The following LRFN5 variants were observed in gnomAD, a reference collection of about 807,000 sequenced individuals.
LRFN5 encodes leucine-rich repeat and fibronectin type-III domain-containing protein 5.
A neutral mutation model predicts 45.6 loss-of-function variants in LRFN5; 24 were observed. The observed-to-expected ratio is 0.53, with a 90% CI of 0.38 to 0.74. The LOEUF (loss-of-function observed/expected upper bound fraction) is 0.74. Ranked by LOEUF, LRFN5 falls within the 30% of genes least tolerant of loss-of-function variation. LRFN5 has a pLI of 0.00. For missense variants in LRFN5, 776 were observed against 861.5 expected (o/e 0.90, Z 1.24); for synonymous variants, 340 against 313.8 (o/e 1.08, Z -0.88).
intron 1 of LRFN5, among the ~76,000 whole-genome samples, chr14:41,650,266 C>CACACACACACA (rs1247683262): frequency 5.9e-5 from 8 of 135,456 alleles, no homozygotes; most frequent in African/African-American, 2.3e-4. Context: ...CACACACACA[C>CACACACACACA]AAAAAAAAAA....
intron 1 of LRFN5, among the ~76,000 whole-genome samples, chr14:41,673,490 G>A: frequency 6.8e-6 from 1 of 147,942 alleles, no homozygotes; most frequent in South Asian, 2.2e-4. Context: ...TGGCCGGGCA[G>A]AGGGGCTCCT....
intron 2 of LRFN5, among the ~76,000 whole-genome samples, chr14:41,881,729 A>G (rs1163504712): frequency 9.2e-5 from 14 of 151,888 alleles, no homozygotes; most frequent in Admixed American, 9.2e-4. Context: ...GTTTTTTTCT[A>G]TTGATTTGTC....
intron 2 of LRFN5, among the ~76,000 whole-genome samples, chr14:41,808,435 C>CGAGG (rs3032264): frequency 0.18 from 16,546 of 91,276 alleles, 2,052 homozygotes; most frequent in African/African-American, 0.19. Flanking sequence ...AAGGAAGAAT[C>CGAGG]GAGGGAGGGA....
At chr14:41,878,992 T>A (rs533383472) in intron 2 of LRFN5, among the ~76,000 whole-genome samples, 1 of 152,190 alleles carries the variant, frequency 6.6e-6, no homozygotes, top group African/African-American at 2.4e-5. Context: ...CTTGTCCAAA[T>A]AACTTGGGAA....
intron 2 of LRFN5, among the ~76,000 whole-genome samples, chr14:41,874,559 T>G (rs941322130): frequency 2.0e-5 from 3 of 152,184 alleles, no homozygotes; most frequent in Non-Finnish European, 4.4e-5. Flanking sequence ...TATACTTTCT[T>G]GGGTCCTTTC....
intron 2 of LRFN5, among the ~76,000 whole-genome samples, chr14:41,782,261 G>A (rs1886556141): frequency 6.6e-6 from 1 of 151,432 alleles, no homozygotes; most frequent in South Asian, 2.1e-4. Context: ...TTAATTTGGG[G>A]AGTTTCTATT....
At chr14:41,756,710 C>G (rs1885403424) in intron 1 of LRFN5, among the ~76,000 whole-genome samples, 1 of 152,138 alleles carries the variant, frequency 6.6e-6, no homozygotes, top group Non-Finnish European at 1.5e-5. Context: ...GAACTTCCTC[C>G]TTTAGCTCAG....
At chr14:41,771,213 G>A (rs1049509357) in intron 2 of LRFN5, among the ~76,000 whole-genome samples, 6 of 149,812 alleles carry the variant, frequency 4.0e-5, no homozygotes, top group Non-Finnish European at 7.5e-5. Flanking sequence ...GGATCTCCTC[G>A]CCCAGAGGCC....
chr14:41,624,601 A>C (rs913339164), intron 1 of LRFN5, among the ~76,000 whole-genome samples: 2 of 152,158 alleles, frequency 1.3e-5, no homozygotes, highest in African/African-American at 2.4e-5. Flanking sequence ...AGTTTCTTGA[A>C]GTGTAACCAG....
chr14:41,705,166 AT>A (rs1883012413), intron 1 of LRFN5, among the ~76,000 whole-genome samples: 1 of 149,520 alleles, frequency 6.7e-6, no homozygotes, highest in African/African-American at 2.5e-5. Context: ...CTCAAAATCT[AT>A]TTGGTGAAAA....
intron 2 of LRFN5, among the ~76,000 whole-genome samples, chr14:41,788,035 A>C (rs1886790837): frequency 6.6e-6 from 1 of 152,224 alleles, no homozygotes; most frequent in South Asian, 2.1e-4. Context: ...AAAACCAGGA[A>C]AAGAGCCCTC....
intron 1 of LRFN5, among the ~76,000 whole-genome samples, chr14:41,730,934 T>C (rs956693795): frequency 6.6e-6 from 1 of 152,044 alleles, no homozygotes; most frequent in Admixed American, 6.6e-5. Context: ...TCTCATCTGC[T>C]CATTTGGTGG....
rs1396754459 is a variant in LRFN5 at position 41,891,742 on chromosome 14, C to T, written c.1878C>T (p.Thr626=). The change falls in exon 4 of 6, where the codon ACC becomes ACT. Residue 626 remains threonine, a synonymous_variant. Coordinates refer to ENST00000298119, the MANE Select transcript of LRFN5 (RefSeq NM_152447.5). ...CGAGTCAGGACTCCTCTACCACTACCTCTGCTTTGCCTCCTTCCTGGACTT... is the reference window on the plus strand; with the variant it reads ...CGAGTCAGGACTCCTCTACCACTACTTCTGCTTTGCCTCCTTCCTGGACTT... ...TCSSQDSSTT[T]SALPPSWTSS... is the part of the protein sequence containing the mutation. The T allele has an allele frequency of 1.2e-6, 2 of 1,614,168 alleles. No individual in the cohort carries two copies. The highest frequency in any genetic ancestry group is 8.5e-7 in the Non-Finnish European group (1 of 1,180,028).
At chr14:41,703,929 G>A (rs1882940544) in intron 1 of LRFN5, among the ~76,000 whole-genome samples, 1 of 152,076 alleles carries the variant, frequency 6.6e-6, no homozygotes, top group South Asian at 2.1e-4. Flanking sequence ...CAGAGCATAA[G>A]GATGGAGAAA....
intron 1 of LRFN5, among the ~76,000 whole-genome samples, chr14:41,630,938 T>C (rs891348036): frequency 3.9e-5 from 6 of 152,276 alleles, no homozygotes; most frequent in Admixed American, 2.0e-4. Flanking sequence ...ATTTACCGAC[T>C]GTTGGGGTGA....
At chr14:41,801,679 A>G (rs1185809449) in intron 2 of LRFN5, among the ~76,000 whole-genome samples, 1 of 152,214 alleles carries the variant, frequency 6.6e-6, no homozygotes, top group Non-Finnish European at 1.5e-5. Context: ...GGGGCACTGA[A>G]GCACCACACA....
At chr14:41,899,050 T>A in intron 5 of LRFN5, 90 bp downstream of exon 5, 4 of 1,021,552 alleles carry the variant, frequency 3.9e-6, no homozygotes, top group Non-Finnish European at 5.7e-6. Flanking sequence ...TTTGCTAATT[T>A]ATGTAGCTTG....
chr14:41,835,664 T>G (rs1434285274), intron 2 of LRFN5, among the ~76,000 whole-genome samples: 1 of 152,124 alleles, frequency 6.6e-6, no homozygotes, highest in Non-Finnish European at 1.5e-5. Flanking sequence ...AGGTCGAGGC[T>G]GCAGTAAACC....
At chr14:41,755,086 T>A (rs1242225516) in intron 1 of LRFN5, among the ~76,000 whole-genome samples, 1 of 152,214 alleles carries the variant, frequency 6.6e-6, no homozygotes, top group Non-Finnish European at 1.5e-5. Context: ...TGAGTGAGTT[T>A]CTTAATCCTG....
Sources: allele counts gnomAD v4.1 joint callset (sites outside exome capture counted in the v4.1 genomes callset), GRCh38; gene constraint gnomAD v4.1.1; transcripts MANE v1.5; gene names NCBI Gene and HGNC (gene_info 2026-07-23, HGNC 2026-07-21).